The following COL25A1 variants were observed in gnomAD, a reference collection of about 807,000 sequenced individuals.
COL25A1 encodes the protein collagen alpha-1(XXV) chain.
In COL25A1, 103 loss-of-function variants were observed where a neutral mutation model predicts 128.4. The observed-to-expected ratio is 0.80, with a 90% confidence interval of 0.68 to 0.94. COL25A1 has a LOEUF of 0.94. COL25A1 is among the 40% of genes least tolerant of loss of function. COL25A1 has a pLI of 0.00. For missense variants in COL25A1, 745 were observed against 840.0 expected (o/e 0.89, Z 1.40); for synonymous variants, 279 against 277.2 (o/e 1.01, Z -0.06).
intron 20 of COL25A1, among the ~76,000 whole-genome samples, chr4:108,867,513 T>C (rs1424060916): frequency 1.3e-5 from 2 of 152,240 alleles, no homozygotes; most frequent in African/African-American, 4.8e-5. Flanking sequence ...AAGAAATTTC[T>C]TGAGAAAACA....
Position 109,219,775 on chromosome 4 carries a change from A to C in COL25A1, c.367+80808T>G, listed in dbSNP as rs544638819. Among the ~76,000 whole-genome samples, 468 of 152,284 alleles carry C rather than the reference A, an allele frequency of 3.1e-3. 1 individual carries two copies. The highest frequency in any genetic ancestry group is 0.011 in the African/African-American group (446 of 41,558). Reference sequence around the variant, plus strand: ...CAAGTTATAGCTATAATTTTAGTTTATTCTTGAGATCACCTTCTATATGAC... The same window carrying C: ...CAAGTTATAGCTATAATTTTAGTTTCTTCTTGAGATCACCTTCTATATGAC... On this transcript the variant is annotated intron_variant, in intron 3 of 37. Transcript: ENST00000399132.
chr4:108,919,422 T>C (rs1745240315), intron 12 of COL25A1, among the ~76,000 whole-genome samples: 1 of 152,192 alleles, frequency 6.6e-6, no homozygotes, highest in South Asian at 2.1e-4. Flanking sequence ...AATGTTCCTA[T>C]GCACAAGTTG....
chr4:109,000,743 C>CAAAAAAAAAAAAAAAAAAAAAA (rs1180104512), intron 6 of COL25A1, among the ~76,000 whole-genome samples: 1 of 36,422 alleles, frequency 2.7e-5, no homozygotes, highest in Non-Finnish European at 4.7e-5. Context: ...GAGACTCTGT[C>CAAAAAAAAAAAAAAAAAAAAAA]AAAAAAAAAA....
At chr4:108,835,853 A>T (rs1733724184) in intron 31 of COL25A1, among the ~76,000 whole-genome samples, 1 of 113,274 alleles carries the variant, frequency 8.8e-6, no homozygotes, top group Admixed American at 9.8e-5. Context: ...TGCCCGGCTT[A>T]CATACGTCTT....
At chr4:108,823,985 C>G (rs1732073062) in intron 35 of COL25A1, 189 bp downstream of exon 35, 2 of 1,538,594 alleles carry the variant, frequency 1.3e-6, no homozygotes, top group Non-Finnish European at 1.7e-6. Flanking sequence ...CAGGCAGTGC[C>G]CTTATATCTG....
intron 19 of COL25A1, among the ~76,000 whole-genome samples, chr4:108,874,586 G>T (rs1254096497): frequency 6.6e-6 from 1 of 152,146 alleles, no homozygotes; most frequent in Non-Finnish European, 1.5e-5. Context: ...TTTGAAAAGG[G>T]CATGTCCTGC....
chr4:108,930,605 A>G (rs1335664574), intron 11 of COL25A1, among the ~76,000 whole-genome samples: 1 of 152,216 alleles, frequency 6.6e-6, no homozygotes, highest in African/African-American at 2.4e-5. Flanking sequence ...TGAGTCTTAT[A>G]AAGTTGAAGA....
intron 37 of COL25A1, among the ~76,000 whole-genome samples, chr4:108,815,049 A>G (rs1731123423): frequency 6.6e-6 from 1 of 152,204 alleles, no homozygotes; most frequent in Non-Finnish European, 1.5e-5. Context: ...GTCTATAGGA[A>G]GCACTCCTTT....
intron 20 of COL25A1, 146 bp downstream of exon 20, chr4:108,868,940 GAA>G: frequency 3.8e-6 from 2 of 525,496 alleles, no homozygotes. Flanking sequence ...AGGAAGGAAA[GAA>G]AGAAAAGAAA....
intron 13 of COL25A1, among the ~76,000 whole-genome samples, chr4:108,911,483 C>T (rs1744218597): frequency 6.8e-6 from 1 of 147,600 alleles, no homozygotes; most frequent in Admixed American, 6.9e-5. Context: ...TTCATTTAAT[C>T]CCCCTACTAC....
At chr4:109,060,701 C>CAAAAACA (rs908478890) in intron 3 of COL25A1, among the ~76,000 whole-genome samples, 12 of 147,198 alleles carry the variant, frequency 8.2e-5, no homozygotes, top group African/African-American at 3.1e-4. Flanking sequence ...AAAAAAAAAA[C>CAAAAACA]AAAAAAACAT....
chr4:109,213,304 T>C (rs986399197), intron 3 of COL25A1, among the ~76,000 whole-genome samples: 1 of 152,162 alleles, frequency 6.6e-6, no homozygotes, highest in Non-Finnish European at 1.5e-5. Context: ...CTGCAAAGTA[T>C]GCAACACTCC....
intron 11 of COL25A1, among the ~76,000 whole-genome samples, chr4:108,934,208 A>C (rs532281045): frequency 6.6e-6 from 1 of 152,052 alleles, no homozygotes; most frequent in African/African-American, 2.4e-5. Context: ...GCTGGAAACC[A>C]TCATTCTCAG....
chr4:108,987,503 T>C (rs1303702168), intron 6 of COL25A1, among the ~76,000 whole-genome samples: 5 of 152,050 alleles, frequency 3.3e-5, no homozygotes, highest in Non-Finnish European at 7.4e-5. Flanking sequence ...GCCTGCCGGG[T>C]AGCCGGGATT....
At chr4:109,214,974 C>T (rs934716085) in intron 3 of COL25A1, among the ~76,000 whole-genome samples, 3 of 152,248 alleles carry the variant, frequency 2.0e-5, no homozygotes, top group African/African-American at 7.2e-5. Flanking sequence ...CCTAAACGTA[C>T]AATCTTCCTG....
At chr4:109,215,503 T>A (rs1777913167) in intron 3 of COL25A1, among the ~76,000 whole-genome samples, 1 of 152,210 alleles carries the variant, frequency 6.6e-6, no homozygotes, top group African/African-American at 2.4e-5. Flanking sequence ...ATAATTTTGA[T>A]AACTGACCTT....
At chr4:108,972,217 G>A (rs929366084) in intron 8 of COL25A1, among the ~76,000 whole-genome samples, 15 of 152,124 alleles carry the variant, frequency 9.9e-5, no homozygotes, top group African/African-American at 3.1e-4. Flanking sequence ...GGTAAAAAGC[G>A]TAATTCAAAA....
chr4:109,216,467 T>C (rs1017204868), intron 3 of COL25A1, among the ~76,000 whole-genome samples: 5 of 152,150 alleles, frequency 3.3e-5, no homozygotes, highest in Admixed American at 3.3e-4. Context: ...AAATGGTCTT[T>C]GTAGATATAA....
At chr4:109,138,984 C>G (rs528545233) in intron 3 of COL25A1, among the ~76,000 whole-genome samples, 33 of 152,204 alleles carry the variant, frequency 2.2e-4, no homozygotes, top group African/African-American at 7.5e-4. Context: ...TGGGATTACA[C>G]GCATGAGCCA....
Sources: allele counts gnomAD v4.1 joint callset (sites outside exome capture counted in the v4.1 genomes callset), GRCh38; gene constraint gnomAD v4.1.1; transcripts MANE v1.5; gene names NCBI Gene and HGNC (gene_info 2026-07-23, HGNC 2026-07-21).